Variants in TCF12 observed in about 807,000 individuals in gnomAD.
TCF12 encodes the protein transcription factor 12, also known as DNA-binding protein HTF4.
Under a neutral mutation model 86.0 loss-of-function variants are expected in TCF12, and 45 were observed. That is an observed-to-expected ratio of 0.52 (90% CI 0.41 to 0.67). The LOEUF is 0.67. Ranked by LOEUF, TCF12 falls within the 30% of genes least tolerant of loss-of-function variation. The pLI, the probability that TCF12 is intolerant of heterozygous loss-of-function variation, is 0.00. For synonymous variants in TCF12, 330 were observed against 299.6 expected (o/e 1.10, Z -1.05); for missense variants, 881 against 859.9 (o/e 1.02, Z -0.31).
At chr15:57,082,497 G>A (rs2048376488) in intron 4 of TCF12, among the ~76,000 whole-genome samples, 1 of 152,170 alleles carries the variant, frequency 6.6e-6, no homozygotes, top group Non-Finnish European at 1.5e-5. Flanking sequence ...TTATGGCAAA[G>A]GACTGCCTTT....
At chr15:57,044,419 A>G (rs888644424) in intron 3 of TCF12, among the ~76,000 whole-genome samples, 45 of 152,128 alleles carry the variant, frequency 3.0e-4, no homozygotes, top group Non-Finnish European at 1.0e-4. Context: ...TTACCTGTGG[A>G]TTCTTTAAGT....
At chr15:57,005,315 A>C (rs12901270) in intron 3 of TCF12, among the ~76,000 whole-genome samples, 30,242 of 152,184 alleles carry the variant, frequency 0.2, 4,052 homozygotes, top group Non-Finnish European at 0.29. Flanking sequence ...GAAGAATTCT[A>C]GTATTGCATA....
intron 18 of TCF12, among the ~76,000 whole-genome samples, chr15:57,265,058 T>G (rs1263689147): frequency 1.3e-5 from 2 of 149,136 alleles, no homozygotes; most frequent in Non-Finnish European, 3.0e-5. Flanking sequence ...AGAAGTATAC[T>G]CTAATGATAA....
chr15:57,202,281 T>G (rs992088745), intron 8 of TCF12, among the ~76,000 whole-genome samples: 5 of 152,186 alleles, frequency 3.3e-5, no homozygotes, highest in African/African-American at 1.2e-4. Flanking sequence ...ATATCTTGCT[T>G]AGTATATTAA....
At position 57,273,260 on chromosome 15, in the gene TCF12, G is replaced by T; in HGVS notation, c.1976G>T (p.Arg659Ile). The T allele has an allele frequency of 6.2e-7, 1 of 1,614,050 alleles. No individual in the cohort carries two copies. The highest frequency in any genetic ancestry group is 1.1e-5 in the South Asian group (1 of 91,076). The change falls in exon 19 of 21, where the codon AGA (arginine) becomes ATA (isoleucine). Residue 659 changes from arginine to isoleucine, a missense_variant and splice_region_variant. Physicochemically the swap from Arg to Ile is moderately conservative, Grantham distance 97. Around this residue, in one of 3 missense-constraint regions of TCF12, gnomAD observed 69 missense variants for 64.2 expected, o/e 1.07. Coordinates refer to ENST00000333725, the MANE Select transcript of TCF12 (RefSeq NM_207037.2). ...ATCCTTAGTCTAGAACAGCAAGTCA[G>T]AGGTAAGTAGGTTCAGCCGAGATGT... ...AVILSLEQQV[R>I]ERNLNPKAAC...
chr15:57,103,214 T>A (rs2151183278), intron 5 of TCF12, among the ~76,000 whole-genome samples: 1 of 152,360 alleles, frequency 6.6e-6, no homozygotes, highest in East Asian at 1.9e-4. Context: ...CAGCATTTTC[T>A]AGGCTGTGTA....
chr15:57,232,753 G>T lies in TCF12; in HGVS notation c.867G>T (p.Thr289=), dbSNP rs138618347. The T allele has an allele frequency of 1.2e-6, 2 of 1,611,658 alleles. No homozygotes were observed. Among genetic ancestry groups the T allele is most frequent in the African/African-American group, 2.7e-5 (2 of 74,676 alleles). Residue 289 remains threonine (T), a synonymous_variant, in exon 11 of 21, where the codon ACG becomes ACT. Transcript: ENST00000333725. The part of the protein sequence containing the change: ...PHSVSPTDIN[T]SLPPMSSFHR... ...CAGTTTCACCAACAGACATAAACAC[G>T]AGTCTTCCACCAATGTCCAGCTTTC...
At chr15:57,172,148 A>G (rs1286356098) in intron 6 of TCF12, among the ~76,000 whole-genome samples, 2 of 152,178 alleles carry the variant, frequency 1.3e-5, no homozygotes, top group Non-Finnish European at 2.9e-5. Flanking sequence ...GCAGACATTT[A>G]TAATAATAAA....
At position 57,287,079 on chromosome 15, in the gene TCF12, A is replaced by C. The variant is rs1413835367; in HGVS notation, c.*934A>C. On this transcript the variant is annotated 3_prime_UTR_variant, in exon 21 of 21. Coordinates refer to ENST00000333725, the MANE Select transcript of TCF12 (RefSeq NM_207037.2). ...GAAAGCTTGTAATAGCAAAATTGTA[A>C]ATTACAAGGGAAGAATCTACTTTTT... The C allele has an allele frequency of 2.5e-5, 4 of 162,528 alleles. No individual in the cohort carries two copies. Among genetic ancestry groups the C allele is most frequent in the Admixed American group, 2.3e-4 (4 of 17,258 alleles). 10.1% of individuals were successfully genotyped at this position (162,528 alleles called of 1,614,324 possible). A position where few individuals can be genotyped will look rare whatever the true frequency, so the allele number is the denominator to read the frequency against.
intron 5 of TCF12, among the ~76,000 whole-genome samples, chr15:57,111,935 CAG>C (rs1491471570): frequency 1.3e-5 from 2 of 152,116 alleles, no homozygotes; most frequent in Non-Finnish European, 2.9e-5. Flanking sequence ...GGAGAAAGTG[CAG>C]AGTTATCCAA....
chr15:56,936,845 A>T (rs1428677539), intron 3 of TCF12, among the ~76,000 whole-genome samples: 2 of 152,076 alleles, frequency 1.3e-5, no homozygotes, highest in Non-Finnish European at 2.9e-5. Context: ...GCTTATTTTT[A>T]TACTAGTACC....
At chr15:57,067,124 T>G (rs964728080) in intron 4 of TCF12, among the ~76,000 whole-genome samples, 2 of 152,216 alleles carry the variant, frequency 1.3e-5, no homozygotes, top group Non-Finnish European at 2.9e-5. Context: ...TTTTACCAAA[T>G]CCACCAGAAA....
At chr15:57,282,842 G>A (rs369432607) in intron 20 of TCF12, among the ~76,000 whole-genome samples, 4 of 152,032 alleles carry the variant, frequency 2.6e-5, no homozygotes, top group Admixed American at 6.6e-5. Flanking sequence ...TCTTCTGTTC[G>A]GAGTCATCAT....
chr15:57,291,237 C>T (rs1399662219), downstream of TCF12: 2 of 152,218 alleles, frequency 1.3e-5, no homozygotes, highest in Non-Finnish European at 2.9e-5. Context: ...ATACAATCTA[C>T]ACATCCCCCC....
chr15:57,211,589 T>C (rs2058101371), intron 8 of TCF12, among the ~76,000 whole-genome samples: 1 of 152,234 alleles, frequency 6.6e-6, no homozygotes. Context: ...AAATTCCTTT[T>C]TTGGTTCAGC....
intron 3 of TCF12, among the ~76,000 whole-genome samples, chr15:57,043,853 A>G (rs2067053477): frequency 6.6e-6 from 1 of 152,188 alleles, no homozygotes; most frequent in East Asian, 1.9e-4. Flanking sequence ...AGGAAGAAAA[A>G]ATTCAACTTT....
chr15:57,052,078 G>A (rs765657642), intron 3 of TCF12, among the ~76,000 whole-genome samples: 6 of 152,160 alleles, frequency 3.9e-5, no homozygotes, highest in Admixed American at 6.5e-5. Flanking sequence ...GAAAGGTTTA[G>A]ACGTTAATTA....
At chr15:57,275,836 A>C (rs1362282204) in intron 19 of TCF12, among the ~76,000 whole-genome samples, 1 of 152,128 alleles carries the variant, frequency 6.6e-6, no homozygotes, top group Admixed American at 6.6e-5. Flanking sequence ...AGGCAAGCAG[A>C]CCCAGGTCTA....
chr15:56,919,734 C>T (rs1385976807), intron 1 of TCF12, 158 bp from the exon 2 acceptor site: 1 of 593,092 alleles, frequency 1.7e-6, no homozygotes, highest in Non-Finnish European at 2.9e-6. Flanking sequence ...TGAGCCCTCC[C>T]GCCCCTTGCT....
Sources: gnomAD v4.1 joint callset for allele counts (sites outside exome capture counted in the v4.1 genomes callset) on GRCh38, gnomAD v4.1.1 for gene constraint, gnomAD v4.1.1 regional missense constraint, MANE v1.5 for transcripts, NCBI Gene and HGNC (gene_info 2026-07-23, HGNC 2026-07-21) for gene names.